ADK: variants seen among roughly 807,000 people sequenced by gnomAD.
ADK encodes the protein N6,N6-dimethyladenosine kinase.
A neutral mutation model predicts 44.7 loss-of-function variants in ADK; 24 were observed. That is an observed-to-expected ratio of 0.54 (90% CI 0.39 to 0.76). The LOEUF (loss-of-function observed/expected upper bound fraction) is 0.76, where lower values mean the gene tolerates loss of function less well. ADK is among the 30% of genes least tolerant of loss of function. The probability of loss-of-function intolerance (pLI) is 0.00; values close to 1 mark genes in which losing one functional copy is unlikely to be tolerated. For synonymous variants in ADK, 128 were observed against 142.6 expected (o/e 0.90, Z 0.73); for missense variants, 321 against 425.1 (o/e 0.76, Z 2.15).
chr10:74,682,542 C>A (rs1340606994), intron 10 of ADK, among the ~76,000 whole-genome samples: 4 of 151,142 alleles, frequency 2.6e-5, no homozygotes, highest in African/African-American at 9.7e-5. Context: ...CATCTGACAC[C>A]AATTAAGCTT....
chr10:74,156,031 T>C (rs1841740716), intron 1 of ADK, among the ~76,000 whole-genome samples: 1 of 152,188 alleles, frequency 6.6e-6, no homozygotes, highest in Admixed American at 6.5e-5. Context: ...CTAATGCACT[T>C]AGTATGAATG....
chr10:74,509,897 C>G (rs933749962), intron 6 of ADK, among the ~76,000 whole-genome samples: 1 of 152,112 alleles, frequency 6.6e-6, no homozygotes, highest in Non-Finnish European at 1.5e-5. Context: ...ATCTATGTTG[C>G]CATGAACCAC....
chr10:74,399,982 A>G (rs1843654075), intron 6 of ADK, among the ~76,000 whole-genome samples: 1 of 152,112 alleles, frequency 6.6e-6, no homozygotes, highest in Non-Finnish European at 1.5e-5. Flanking sequence ...CTTTGGGTGA[A>G]TGGAACTTTT....
At chr10:74,420,772 T>A (rs1268399353) in intron 6 of ADK, among the ~76,000 whole-genome samples, 1 of 152,180 alleles carries the variant, frequency 6.6e-6, no homozygotes, top group Non-Finnish European at 1.5e-5. Context: ...ACAGTTTAAC[T>A]GTTAAACAGT....
In ADK at chr10:74,542,988, C is replaced by A. The variant is rs530871929; in HGVS notation, c.726+17562C>A. Among the ~76,000 whole-genome samples the A allele has an allele frequency of 3.3e-5, 5 of 152,064 alleles. No individual in the cohort carries two copies. The East Asian group carries it at 9.7e-4, about 29-fold the overall frequency. On this transcript the variant is annotated intron_variant, in intron 7 of 10. Coordinates refer to ENST00000539909, the MANE Select transcript of ADK (RefSeq NM_006721.4). Reference sequence around the variant, plus strand: ...CGATCTCGGCTCACAGCAACTTCCACTTCCCGGGTTCAAGGGATTCTCCTG... The same window carrying A: ...CGATCTCGGCTCACAGCAACTTCCAATTCCCGGGTTCAAGGGATTCTCCTG...
chr10:74,236,596 T>C (rs1015197633), intron 3 of ADK, among the ~76,000 whole-genome samples: 1 of 152,200 alleles, frequency 6.6e-6, no homozygotes, highest in African/African-American at 2.4e-5. Flanking sequence ...ATTTTATTGG[T>C]ATAACAAATC....
chr10:74,535,152 C>A (rs1849408275), intron 7 of ADK, among the ~76,000 whole-genome samples: 1 of 152,168 alleles, frequency 6.6e-6, no homozygotes, highest in African/African-American at 2.4e-5. Context: ...TTTATGTTTT[C>A]TCTCTGCTTT....
At chr10:74,369,478 G>A (rs369183847) in intron 4 of ADK, among the ~76,000 whole-genome samples, 162 of 152,204 alleles carry the variant, frequency 1.1e-3, no homozygotes, top group Middle Eastern at 3.4e-3. Flanking sequence ...CTCTGCTTTC[G>A]ATAAGATGAA....
At chr10:74,165,496 T>A (rs1051536060) in intron 1 of ADK, among the ~76,000 whole-genome samples, 2 of 151,852 alleles carry the variant, frequency 1.3e-5, no homozygotes, top group South Asian at 2.1e-4. Context: ...TAATTTTTTT[T>A]AAGATAAGAA....
At chr10:74,280,183 T>G (rs1846871140) in intron 3 of ADK, among the ~76,000 whole-genome samples, 1 of 152,122 alleles carries the variant, frequency 6.6e-6, no homozygotes, top group Non-Finnish European at 1.5e-5. Context: ...TCTTGCTCAC[T>G]GCAACCTCCA....
intron 7 of ADK, among the ~76,000 whole-genome samples, chr10:74,532,748 A>G (rs761642119): frequency 2.0e-5 from 3 of 150,420 alleles, no homozygotes; most frequent in Non-Finnish European, 3.0e-5. Flanking sequence ...TAAAAATACA[A>G]AAATTAGCTG....
chr10:74,540,663 T>A (rs1849596760), intron 7 of ADK, among the ~76,000 whole-genome samples: 1 of 152,162 alleles, frequency 6.6e-6, no homozygotes. Flanking sequence ...TTTTGCCATG[T>A]TGGCCAGGCT....
At chr10:74,493,548 A>G (rs917457294) in intron 6 of ADK, among the ~76,000 whole-genome samples, 2 of 151,148 alleles carry the variant, frequency 1.3e-5, no homozygotes, top group Non-Finnish European at 2.9e-5. Context: ...ACATAGATAT[A>G]TATCTCATCT....
chr10:74,613,946 A>G (rs924456779), intron 9 of ADK, among the ~76,000 whole-genome samples: 7 of 152,140 alleles, frequency 4.6e-5, no homozygotes. Flanking sequence ...AATGTCTTGT[A>G]TGGCATTCAT....
At chr10:74,161,085 GT>G (rs1484451923) in intron 1 of ADK, among the ~76,000 whole-genome samples, 1 of 152,180 alleles carries the variant, frequency 6.6e-6, no homozygotes, top group Non-Finnish European at 1.5e-5. Context: ...GTATGTGCAT[GT>G]TTTATCTCAC....
intron 9 of ADK, among the ~76,000 whole-genome samples, chr10:74,627,516 A>T (rs533410329): frequency 4.6e-5 from 7 of 151,352 alleles, no homozygotes; most frequent in Non-Finnish European, 8.8e-5. Flanking sequence ...CCTCAGGTTT[A>T]TCGATTTTTA....
At chr10:74,176,667 T>G in intron 1 of ADK, 1 of 1,428,618 alleles carries the variant, frequency 7.0e-7, no homozygotes, top group Non-Finnish European at 9.1e-7. Flanking sequence ...CTCCAGCCCT[T>G]CGCACGGGGC....
chr10:74,368,365 C>T (rs546879804), intron 4 of ADK, among the ~76,000 whole-genome samples: 1 of 152,014 alleles, frequency 6.6e-6, no homozygotes, highest in Non-Finnish European at 1.5e-5. Flanking sequence ...CATCTTGGCC[C>T]CACAAAGTAC....
At chr10:74,291,437 C>CAACAAT (rs984499723) in intron 3 of ADK, among the ~76,000 whole-genome samples, 2 of 151,940 alleles carry the variant, frequency 1.3e-5, no homozygotes, top group African/African-American at 2.4e-5. Context: ...ACAACAACAA[C>CAACAAT]AACAATAACA....
Sources: allele counts gnomAD v4.1 joint callset (sites outside exome capture counted in the v4.1 genomes callset), GRCh38; gene constraint gnomAD v4.1.1; transcripts MANE v1.5; gene names NCBI Gene and HGNC (gene_info 2026-07-23, HGNC 2026-07-21).